The following RGS7 variants were observed in gnomAD, a reference collection of about 807,000 sequenced individuals.
RGS7 encodes regulator of G-protein signaling 7.
A neutral mutation model predicts 81.1 loss-of-function variants in RGS7; 27 were observed. That is an observed-to-expected ratio of 0.33 (90% CI 0.25 to 0.46). RGS7 has a LOEUF of 0.46. Among genes scored for constraint, RGS7 ranks in the 20% least tolerant of loss-of-function variants. RGS7 has a pLI of 1.00. For missense variants in RGS7, 396 were observed against 607.4 expected, an observed-to-expected ratio of 0.65 and a Z score of 3.66; for synonymous variants, 208 against 207.7, an observed-to-expected ratio of 1.00 and a Z score of -0.01.
chr1:241,192,391 G>A (rs2072757989), intron 2 of RGS7, among the ~76,000 whole-genome samples: 1 of 151,888 alleles, frequency 6.6e-6, no homozygotes, highest in African/African-American at 2.4e-5. Context: ...CTGCCATGTG[G>A]TTTTTCAGGT....
rs148115149 is a variant in RGS7, at chr1:240,979,798, C to T, written c.226+3281G>A. 1.6e-3 allele frequency among the ~76,000 whole-genome samples: 247 copies of T among 152,150 alleles called. 1 individual carries two copies. Among genetic ancestry groups the T allele is most frequent in the African/African-American group, 5.9e-3 (246 of 41,488 alleles). On this transcript the variant is annotated intron_variant, in intron 4 of 18. Transcript: ENST00000440928. Reference sequence around the variant, plus strand: ...AGAAGACTGAGACCAAACCAAATGGCCAGTGAAAAGGATGGAAGAGTATGA... The same window carrying T: ...AGAAGACTGAGACCAAACCAAATGGTCAGTGAAAAGGATGGAAGAGTATGA...
chr1:241,011,148 A>G (rs546809110), intron 3 of RGS7, among the ~76,000 whole-genome samples: 1 of 152,324 alleles, frequency 6.6e-6, no homozygotes, highest in Admixed American at 6.5e-5. Flanking sequence ...CTGGGTTAGG[A>G]TAAGAAATAA....
intron 2 of RGS7, among the ~76,000 whole-genome samples, chr1:241,295,186 C>A (rs555365457): frequency 1.3e-5 from 2 of 152,050 alleles, no homozygotes; most frequent in Admixed American, 6.6e-5. Flanking sequence ...CGGTGGCTCA[C>A]GCCTGTAATC....
intron 3 of RGS7, among the ~76,000 whole-genome samples, chr1:241,096,926 G>A (rs1237671006): frequency 6.6e-6 from 1 of 152,114 alleles, no homozygotes; most frequent in Admixed American, 6.5e-5. Flanking sequence ...TTATCTGCCT[G>A]AATTCTAAAG....
At chr1:240,784,658 ATTTT>A (rs11451897) in intron 18 of RGS7, among the ~76,000 whole-genome samples, 2 of 141,236 alleles carry the variant, frequency 1.4e-5, no homozygotes, top group Non-Finnish European at 3.1e-5. Context: ...AAAAAAAAAG[ATTTT>A]TTTTTTTTTG....
At chr1:241,216,814 T>C (rs1471681938) in intron 2 of RGS7, among the ~76,000 whole-genome samples, 1 of 152,232 alleles carries the variant, frequency 6.6e-6, no homozygotes, top group Admixed American at 6.5e-5. Context: ...TTGGAACTGG[T>C]ATGGCCATCT....
intron 4 of RGS7, among the ~76,000 whole-genome samples, chr1:240,963,169 G>T (rs1451528181): frequency 6.6e-6 from 1 of 152,150 alleles, no homozygotes; most frequent in Non-Finnish European, 1.5e-5. Context: ...GAGGTGGACA[G>T]ATCTGATATT....
chr1:240,823,638 A>G (rs779660936), intron 10 of RGS7, among the ~76,000 whole-genome samples: 3 of 152,044 alleles, frequency 2.0e-5, no homozygotes, highest in Non-Finnish European at 2.9e-5. Context: ...CAACCCAACA[A>G]AAGCTTCCCG....
intron 2 of RGS7, among the ~76,000 whole-genome samples, chr1:241,353,037 A>G (rs1158371542): frequency 2.0e-5 from 3 of 152,252 alleles, no homozygotes; most frequent in Non-Finnish European, 4.4e-5. Flanking sequence ...CGATGCTTCA[A>G]TAGTGAAGTA....
At position 241,264,538 on chromosome 1, in the gene RGS7, A is replaced by G. The variant is rs183994206; in HGVS notation, c.78+91161T>C. On this transcript the variant is annotated intron_variant, in intron 2 of 18. Coordinates refer to ENST00000440928, the MANE Select transcript of RGS7 (RefSeq NM_001364886.1). ...CATTAATTCTATGTATTGATAAAAA[A>G]CCCTGAACGTCATGTTTTCAAGAAC... Among the ~76,000 whole-genome samples, 39 of 152,186 alleles carry G rather than the reference A, an allele frequency of 2.6e-4. No individual in the cohort carries two copies. In the East Asian group the frequency reaches 7.3e-3, roughly 29 times the overall value.
intron 2 of RGS7, among the ~76,000 whole-genome samples, chr1:241,239,925 G>C (rs1361312278): frequency 6.6e-6 from 1 of 152,174 alleles, no homozygotes; most frequent in South Asian, 2.1e-4. Context: ...AAGACCACTA[G>C]GTCACTTGGT....
At chr1:240,973,897 T>C (rs1683670574) in intron 4 of RGS7, among the ~76,000 whole-genome samples, 1 of 152,184 alleles carries the variant, frequency 6.6e-6, no homozygotes, top group Non-Finnish European at 1.5e-5. Context: ...TTCTTTACTT[T>C]CTCAGTTCTG....
intron 2 of RGS7, among the ~76,000 whole-genome samples, chr1:241,349,547 G>A (rs1488987695): frequency 7.2e-5 from 11 of 152,208 alleles, no homozygotes; most frequent in African/African-American, 2.4e-4. Context: ...TGAGACTTTT[G>A]TTAATTAGAC....
chr1:240,845,849 G>A (rs1023224579), intron 9 of RGS7, among the ~76,000 whole-genome samples: 5 of 152,102 alleles, frequency 3.3e-5, no homozygotes, highest in East Asian at 1.9e-4. Flanking sequence ...GAAGTAGCTC[G>A]AACAGTAAAA....
chr1:240,812,136 G>T, intron 13 of RGS7, 93 bp from the exon 14 acceptor site: 1 of 1,331,642 alleles, frequency 7.5e-7, no homozygotes, highest in Non-Finnish European at 1.1e-6. Context: ...TGTGTGCCTC[G>T]AAGTTCCCAT....
At chr1:240,877,732 T>C (rs1016780895) in intron 6 of RGS7, among the ~76,000 whole-genome samples, 8 of 152,348 alleles carry the variant, frequency 5.3e-5, no homozygotes, top group Middle Eastern at 3.4e-3. Context: ...TGTATATATA[T>C]GTGTCTTTAT....
intron 2 of RGS7, among the ~76,000 whole-genome samples, chr1:241,156,468 T>C (rs2069157012): frequency 6.6e-6 from 1 of 150,990 alleles, no homozygotes; most frequent in Admixed American, 6.6e-5. Context: ...ATTGTGCCAC[T>C]GCACTCCAGC....
chr1:241,289,233 ACT>A (rs963023843), intron 2 of RGS7, among the ~76,000 whole-genome samples: 3 of 151,874 alleles, frequency 2.0e-5, no homozygotes, highest in African/African-American at 7.3e-5. Context: ...AGTGTCCAAC[ACT>A]CTCTCTTCTT....
chr1:241,000,394 C>T (rs1328973278), intron 3 of RGS7, among the ~76,000 whole-genome samples: 2 of 152,118 alleles, frequency 1.3e-5, no homozygotes, highest in African/African-American at 4.8e-5. Flanking sequence ...TGTCCAAATG[C>T]ATCAAAATTT....
Sources: gnomAD v4.1 joint callset for allele counts (sites outside exome capture counted in the v4.1 genomes callset) on GRCh38, gnomAD v4.1.1 for gene constraint, MANE v1.5 for transcripts, NCBI Gene and HGNC (gene_info 2026-07-23, HGNC 2026-07-21) for gene names.